ZNF704: variants seen among roughly 807,000 people sequenced by gnomAD.
The protein encoded by ZNF704 is zinc finger protein 704.
Under a neutral mutation model 44.7 loss-of-function variants are expected in ZNF704, and 10 were observed. The observed-to-expected ratio is 0.22, with a 90% confidence interval of 0.14 to 0.38. The LOEUF (loss-of-function observed/expected upper bound fraction) is 0.38, where lower values mean the gene tolerates loss of function less well. Ranked by LOEUF, ZNF704 falls within the 10% of genes least tolerant of loss-of-function variation. ZNF704 has a pLI of 1.00. For synonymous variants in ZNF704, 211 were observed against 207.6 expected (o/e 1.02, Z -0.14); for missense variants, 390 against 545.5 (o/e 0.71, Z 2.84).
chr8:80,711,827 A>AT (rs1818992068), intron 2 of ZNF704, among the ~76,000 whole-genome samples: 1 of 152,346 alleles, frequency 6.6e-6, no homozygotes, highest in South Asian at 2.1e-4. Context: ...ATGTGGGAAA[A>AT]GGGGAAGCAG....
At chr8:80,648,621 AG>A (rs1817868679) in intron 7 of ZNF704, among the ~76,000 whole-genome samples, 1 of 152,252 alleles carries the variant, frequency 6.6e-6, no homozygotes, top group Non-Finnish European at 1.5e-5. Context: ...AGAGAAATTT[AG>A]GCTTTGAGCA....
At chr8:80,880,457 ACAT>A in the ZNF704 span, among the ~76,000 whole-genome samples, 1 of 152,250 alleles carries the variant, frequency 6.6e-6, no homozygotes, top group African/African-American at 2.4e-5. Flanking sequence ...GATAAAAGTC[ACAT>A]CTAACCTCCC....
chr8:80,829,365 A>T (rs987626096), intron 1 of ZNF704, among the ~76,000 whole-genome samples: 2 of 152,184 alleles, frequency 1.3e-5, no homozygotes, highest in Admixed American at 6.5e-5. Context: ...TGTTACAACA[A>T]GAAAACTCTA....
chr8:80,744,063 T>A (rs2131697041), intron 2 of ZNF704, among the ~76,000 whole-genome samples: 1 of 152,274 alleles, frequency 6.6e-6, no homozygotes, highest in East Asian at 1.9e-4. Flanking sequence ...TGAATTGAGA[T>A]GTACTGTGAG....
intron 2 of ZNF704, among the ~76,000 whole-genome samples, chr8:80,820,925 A>AG (rs35087215): frequency 1.3e-5 from 2 of 151,996 alleles, no homozygotes; most frequent in Non-Finnish European, 2.9e-5. Context: ...AAAAAAAAAA[A>AG]GTAAAACCAT....
intron 2 of ZNF704, among the ~76,000 whole-genome samples, chr8:80,749,299 T>G (rs1314105126): frequency 6.6e-6 from 1 of 152,152 alleles, no homozygotes; most frequent in Non-Finnish European, 1.5e-5. Flanking sequence ...TGTGAGCCCC[T>G]GCACCTCGCC....
chr8:80,853,719 T>C (rs1323898221), intron 1 of ZNF704, among the ~76,000 whole-genome samples: 1 of 152,190 alleles, frequency 6.6e-6, no homozygotes, highest in Non-Finnish European at 1.5e-5. Context: ...ATGCTTGTTC[T>C]TTCATCTTCT....
chr8:80,725,769 T>C (rs1415281209), intron 2 of ZNF704, among the ~76,000 whole-genome samples: 1 of 152,200 alleles, frequency 6.6e-6, no homozygotes, highest in East Asian at 1.9e-4. Context: ...TTAACAATGC[T>C]TATATGAATT....
chr8:80,830,464 C>T lies in ZNF704; in HGVS notation c.-21-8849G>A, dbSNP rs73262595. Among the ~76,000 whole-genome samples, 907 of 152,202 alleles carry T rather than the reference C, an allele frequency of 6.0e-3. 7 individuals are homozygous for T. Among genetic ancestry groups the T allele is most frequent in the African/African-American group, 0.02 (846 of 41,520 alleles). On this transcript the variant is annotated intron_variant, in intron 1 of 8. Transcript: ENST00000327835. The stretch of plus-strand genomic sequence containing the variant: ...AAAGCAGATCAGTGATTTCCTGGGG[C>T]TGGGGTGGGAGCAGGAACTAACTGC...
rs1477570119 is a variant in ZNF704, at chr8:80,874,729, CAA to C, written c.-182_-181del. The C allele has an allele frequency of 1.3e-5, 2 of 152,140 alleles. No homozygotes were observed. The highest frequency in any genetic ancestry group is 3.9e-4 in the East Asian group (2 of 5,176). 9.4% of individuals were successfully genotyped at this position (152,140 alleles called of 1,614,324 possible). A position where few individuals can be genotyped will look rare whatever the true frequency, so the allele number is the denominator to read the frequency against. On this transcript the variant is annotated 5_prime_UTR_variant, in exon 1 of 9. The change creates a premature stop within an existing upstream ORF in the 5' untranslated region. Transcript: ENST00000327835. This position sits in a 1 kb window ranked among gnomAD's most constrained non-coding sequence, Gnocchi z 4.4. The stretch of plus-strand genomic sequence containing the variant: ...AGACTTTGAACGTAGAGATTTGCTA[CAA>C]GTCATTTTAATGGACACTGATGTGC...
At chr8:80,670,838 G>T (rs1296845914) in intron 4 of ZNF704, among the ~76,000 whole-genome samples, 1 of 152,164 alleles carries the variant, frequency 6.6e-6, no homozygotes, top group Non-Finnish European at 1.5e-5. Context: ...TTCAGATCAT[G>T]TTCATGAAGG....
Position 80,637,276 on chromosome 8 carries a change from G to A in ZNF704, c.*4090C>T, listed in dbSNP as rs1299480961. ...ATAACAAAATTCTTCCTAGTTTCAG[G>A]AGTCTCCAGACCTATTTTTGCATGC... On this transcript the variant is annotated 3_prime_UTR_variant, in exon 9 of 9. Coordinates refer to ENST00000327835, the MANE Select transcript of ZNF704 (RefSeq NM_001033723.3). 6.6e-6 allele frequency: 1 copy of A among 152,132 alleles called. No homozygotes were observed. Among genetic ancestry groups the A allele is most frequent in the Admixed American group, 6.5e-5 (1 of 15,280 alleles). The allele number at this position is 152,132 out of a possible 1,614,324, so 9.4% of individuals were successfully genotyped here.
At chr8:80,787,056 A>T (rs1375509758) in intron 2 of ZNF704, among the ~76,000 whole-genome samples, 1 of 152,208 alleles carries the variant, frequency 6.6e-6, no homozygotes, top group East Asian at 1.9e-4. Context: ...GGTGGATAGT[A>T]TACACTTTAA....
chr8:80,633,850 A>C lies in ZNF704; in HGVS notation c.*7516T>G, dbSNP rs1817625004. On this transcript the variant is annotated 3_prime_UTR_variant, in exon 9 of 9. Coordinates refer to ENST00000327835, the MANE Select transcript of ZNF704 (RefSeq NM_001033723.3). ...TTAGTCCATCTAAATGAAGGAAGCA[A>C]CTTCTAATTTTTTTCATGACATAAT... The C allele has an allele frequency of 6.6e-6, 1 of 152,172 alleles. No individual in the cohort carries two copies. The highest frequency in any genetic ancestry group is 2.4e-5 in the African/African-American group (1 of 41,428). 9.4% of individuals were successfully genotyped at this position (152,172 alleles called of 1,614,324 possible).
At chr8:80,802,761 C>T (rs994299216) in intron 2 of ZNF704, among the ~76,000 whole-genome samples, 3 of 152,098 alleles carry the variant, frequency 2.0e-5, no homozygotes, top group African/African-American at 7.2e-5. Flanking sequence ...CTGGAAGCAT[C>T]CCCTTGAAAA....
At chr8:80,852,113 G>T (rs1386729058) in intron 1 of ZNF704, among the ~76,000 whole-genome samples, 1 of 152,106 alleles carries the variant, frequency 6.6e-6, no homozygotes, top group Non-Finnish European at 1.5e-5. Context: ...GGGACCCCTT[G>T]AAAAACACAC....
intron 7 of ZNF704, among the ~76,000 whole-genome samples, chr8:80,649,854 C>T (rs899901869): frequency 3.9e-5 from 6 of 152,218 alleles, no homozygotes; most frequent in Non-Finnish European, 7.3e-5. Context: ...TGAGGACGGA[C>T]AGACTGCCTC....
At chr8:80,751,658 T>C (rs1806946050) in intron 2 of ZNF704, among the ~76,000 whole-genome samples, 2 of 152,240 alleles carry the variant, frequency 1.3e-5, no homozygotes, top group African/African-American at 4.8e-5. Flanking sequence ...TGCTTGATGC[T>C]AAAGTGTGAT....
At chr8:80,713,339 C>G (rs1819017860) in intron 2 of ZNF704, among the ~76,000 whole-genome samples, 1 of 152,152 alleles carries the variant, frequency 6.6e-6, no homozygotes, top group African/African-American at 2.4e-5. Context: ...ATAGGTGTTG[C>G]TGTTAAACCA....
Sources: gnomAD v4.1 joint callset for allele counts (sites outside exome capture counted in the v4.1 genomes callset) on GRCh38, gnomAD v4.1.1 for gene constraint, Gnocchi (gnomAD v3.1) non-coding constraint, MANE v1.5 for transcripts, NCBI Gene and HGNC (gene_info 2026-07-23, HGNC 2026-07-21) for gene names.